Variants in UNC13C observed in about 807,000 individuals in gnomAD.
UNC13C encodes unc-13 homolog C, also known as protein unc-13 homolog C.
UNC13C carries 174 observed loss-of-function variants against 245.4 expected under a neutral mutation model. That is an observed-to-expected ratio of 0.71 (90% CI 0.63 to 0.80). The LOEUF is 0.80. Among genes scored for constraint, UNC13C ranks in the 30% least tolerant of loss-of-function variants. UNC13C has a pLI of 0.00. For synonymous variants in UNC13C, 992 were observed against 895.1 expected (o/e 1.11, Z -1.93); for missense variants, 2,829 against 2,602.9 (o/e 1.09, Z -1.89).
intron 24 of UNC13C, among the ~76,000 whole-genome samples, chr15:54,516,182 A>T (rs1357617476): frequency 6.6e-6 from 1 of 152,172 alleles, no homozygotes; most frequent in African/African-American, 2.4e-5. Context: ...GCAACCCTAG[A>T]CCAGGAAGGA....
At chr15:54,612,227 C>T (rs75459962) in intron 30 of UNC13C, among the ~76,000 whole-genome samples, 2,052 of 152,062 alleles carry the variant, frequency 0.013, 48 homozygotes, top group African/African-American at 0.047. Context: ...TTCACAAAAT[C>T]TCTAGCATTA....
intron 26 of UNC13C, among the ~76,000 whole-genome samples, chr15:54,541,925 G>A (rs1413586307): frequency 6.6e-6 from 1 of 151,922 alleles, no homozygotes; most frequent in Non-Finnish European, 1.5e-5. Flanking sequence ...TATTTCCTTG[G>A]TGTTCCTAGA....
intron 2 of UNC13C, among the ~76,000 whole-genome samples, chr15:54,133,802 A>G (rs2141219671): frequency 1.3e-5 from 2 of 152,284 alleles, no homozygotes; most frequent in African/African-American, 4.8e-5. Flanking sequence ...CTGTATATAC[A>G]TATATGATTA....
At chr15:54,274,029 A>G (rs2036763498) in intron 10 of UNC13C, among the ~76,000 whole-genome samples, 2 of 152,180 alleles carry the variant, frequency 1.3e-5, no homozygotes, top group African/African-American at 2.4e-5. Context: ...ACAGTGTTAC[A>G]GACACTGAGG....
chr15:54,591,753 A>G (rs1316279067), intron 30 of UNC13C, among the ~76,000 whole-genome samples: 2 of 151,492 alleles, frequency 1.3e-5, no homozygotes, highest in African/African-American at 4.8e-5. Flanking sequence ...TTTTTCATTT[A>G]TCTTTTGTAT....
At chr15:54,427,155 G>A (rs992351953) in intron 19 of UNC13C, among the ~76,000 whole-genome samples, 1 of 151,728 alleles carries the variant, frequency 6.6e-6, no homozygotes, top group Non-Finnish European at 1.5e-5. Flanking sequence ...TATATGATAT[G>A]GTTTGGCTGT....
chr15:54,285,601 T>C (rs1306464043), intron 10 of UNC13C, among the ~76,000 whole-genome samples: 2 of 152,188 alleles, frequency 1.3e-5, no homozygotes, highest in African/African-American at 4.8e-5. Flanking sequence ...TGCCTCGAGA[T>C]GGCTCTGGCA....
At chr15:54,259,755 G>A (rs2036376780) in intron 8 of UNC13C, among the ~76,000 whole-genome samples, 1 of 152,150 alleles carries the variant, frequency 6.6e-6, no homozygotes, top group Admixed American at 6.5e-5. Flanking sequence ...GCTTTATGCT[G>A]ACTATGTAAG....
In UNC13C at chr15:54,250,399, T is replaced by C. The variant is rs779075952; in HGVS notation, c.3403T>C (p.Cys1135Arg). The change falls in exon 8 of 33, where the codon TGC becomes CGC. Residue 1135 changes from cysteine to arginine, a missense_variant. Coordinates refer to ENST00000260323, the MANE Select transcript of UNC13C (RefSeq NM_001080534.3). ...GMKCLECGVK[C>R]HEKCQDLLNA... Reference sequence around the variant, plus strand: ...GAAGTGTCTGGAGTGTGGAGTGAAATGCCACGAAAAGTGTCAGGACCTGCT... The same window carrying C: ...GAAGTGTCTGGAGTGTGGAGTGAAACGCCACGAAAAGTGTCAGGACCTGCT... 7 of 1,613,626 alleles carry C rather than the reference T, an allele frequency of 4.3e-6. No homozygotes were observed. Among genetic ancestry groups the C allele is most frequent in the Non-Finnish European group, 5.1e-6 (6 of 1,179,738 alleles).
chr15:54,037,827 T>C (rs1896635031), intron 2 of UNC13C, among the ~76,000 whole-genome samples: 1 of 151,674 alleles, frequency 6.6e-6, no homozygotes, highest in African/African-American at 2.4e-5. Context: ...GCAGTTTTCT[T>C]TGTGTACTAT....
intron 20 of UNC13C, among the ~76,000 whole-genome samples, chr15:54,496,518 T>C (rs1360337331): frequency 6.6e-6 from 1 of 152,052 alleles, no homozygotes; most frequent in Non-Finnish European, 1.5e-5. Flanking sequence ...GCAGCACAAT[T>C]CACAATTTCA....
the UNC13C span, among the ~76,000 whole-genome samples, chr15:53,860,154 T>C: frequency 6.6e-6 from 1 of 152,220 alleles, no homozygotes; most frequent in African/African-American, 2.4e-5. Context: ...AATTGTATTA[T>C]ATAGTTATCT....
intron 1 of UNC13C, among the ~76,000 whole-genome samples, chr15:54,005,489 C>A (rs886611914): frequency 6.6e-6 from 1 of 152,262 alleles, no homozygotes; most frequent in Admixed American, 6.5e-5. Flanking sequence ...GTATCTACCA[C>A]AAGTTTACTA....
At chr15:54,220,690 T>C (rs978027115) in intron 4 of UNC13C, among the ~76,000 whole-genome samples, 11 of 152,070 alleles carry the variant, frequency 7.2e-5, no homozygotes, top group African/African-American at 2.7e-4. Context: ...TGAGTTTCAT[T>C]GCCTGCACAC....
chr15:54,310,479 A>T (rs2037839544), intron 13 of UNC13C, among the ~76,000 whole-genome samples: 1 of 151,794 alleles, frequency 6.6e-6, no homozygotes. Flanking sequence ...TCAAATGCTC[A>T]TGGTGGAGAG....
At chr15:53,916,189 A>C in the UNC13C span, among the ~76,000 whole-genome samples, 1 of 152,330 alleles carries the variant, frequency 6.6e-6, no homozygotes, top group Admixed American at 6.5e-5. Flanking sequence ...TGTAGTACAA[A>C]TTAACGTATT....
At chr15:53,850,410 G>A in the UNC13C span, among the ~76,000 whole-genome samples, 1 of 151,926 alleles carries the variant, frequency 6.6e-6, no homozygotes, top group East Asian at 1.9e-4. Context: ...GCAAGACGCT[G>A]TCTCTAAAAC....
intron 17 of UNC13C, among the ~76,000 whole-genome samples, chr15:54,385,118 A>G (rs757529029): frequency 2.0e-5 from 3 of 152,060 alleles, no homozygotes; most frequent in Admixed American, 1.3e-4. Flanking sequence ...GAATATAGCA[A>G]TCCCGCTACT....
At chr15:54,290,821 A>G (rs1347303175) in intron 10 of UNC13C, among the ~76,000 whole-genome samples, 1 of 152,052 alleles carries the variant, frequency 6.6e-6, no homozygotes, top group Non-Finnish European at 1.5e-5. Context: ...AATCTTTATT[A>G]TCTAGAGCTT....
Sources: gnomAD v4.1 joint callset for allele counts (sites outside exome capture counted in the v4.1 genomes callset) on GRCh38, gnomAD v4.1.1 for gene constraint, MANE v1.5 for transcripts, NCBI Gene and HGNC (gene_info 2026-07-23, HGNC 2026-07-21) for gene names.